Variants in KCTD1 observed in about 807,000 individuals in gnomAD.
The protein encoded by KCTD1 is BTB/POZ domain-containing protein KCTD1.
KCTD1 carries 24 observed loss-of-function variants against 66.0 expected under a neutral mutation model. That is an observed-to-expected ratio of 0.36 (90% CI 0.26 to 0.51). KCTD1 has a LOEUF of 0.51. KCTD1 is among the 20% of genes least tolerant of loss of function. KCTD1 has a pLI of 0.95. For missense variants in KCTD1, 943 were observed against 1,205.2 expected (o/e 0.78, Z 3.22); for synonymous variants, 511 against 517.2 (o/e 0.99, Z 0.16).
intron 1 of KCTD1, among the ~76,000 whole-genome samples, chr18:26,520,818 C>A (rs189291884): frequency 1.8e-4 from 28 of 152,354 alleles, no homozygotes; most frequent in Non-Finnish European, 4.0e-4. Context: ...TCACTTTGAA[C>A]TGGCATGACA....
At chr18:26,597,034 C>T (rs887350210) in intron 1 of KCTD1, among the ~76,000 whole-genome samples, 26 of 151,452 alleles carry the variant, frequency 1.7e-4, no homozygotes, top group African/African-American at 6.3e-4. Context: ...CTGCAGTGAC[C>T]CAGAGAAGGC....
intron 1 of KCTD1, among the ~76,000 whole-genome samples, chr18:26,524,589 T>G (rs1039013536): frequency 1.3e-5 from 2 of 152,196 alleles, no homozygotes; most frequent in Non-Finnish European, 2.9e-5. Context: ...AATTTTTCCC[T>G]AACCTTTAAG....
At chr18:26,597,729 C>G (rs1350402128) in intron 1 of KCTD1, among the ~76,000 whole-genome samples, 1 of 149,464 alleles carries the variant, frequency 6.7e-6, no homozygotes, top group Non-Finnish European at 1.5e-5. Flanking sequence ...TCTCAGCTCA[C>G]TGCAACCTCC....
chr18:26,551,705 TC>T (rs532036666), upstream of KCTD1, among the ~76,000 whole-genome samples: 20 of 152,288 alleles, frequency 1.3e-4, no homozygotes, highest in South Asian at 4.2e-3. Context: ...ACAGTGGAGT[TC>T]ATAAAGTAGT....
rs147142894 is a variant in KCTD1 at position 26,627,929 on chromosome 18, C to T, written c.-16+1218G>A. The stretch of plus-strand genomic sequence containing the variant: ...TTGGTGGTGGAACTGCTTTACCATG[C>T]CTGACTGGAAGAAGACAAGCCAGAG... On this transcript the variant is annotated intron_variant, in intron 1 of 4. Transcript: ENST00000317932. Among the ~76,000 whole-genome samples the T allele has an allele frequency of 3.4e-3, 515 of 152,268 alleles. 3 individuals are homozygous for T. The highest frequency in any genetic ancestry group is 0.012 in the African/African-American group (492 of 41,550).
chr18:26,649,358 A>G (rs1356105179), intron 1 of KCTD1, among the ~76,000 whole-genome samples: 1 of 152,178 alleles, frequency 6.6e-6, no homozygotes, highest in Non-Finnish European at 1.5e-5. Context: ...ACTGGCAGTA[A>G]GTGGATTGCA....
chr18:26,510,648 A>G (rs1435165467), intron 1 of KCTD1, among the ~76,000 whole-genome samples: 1 of 152,004 alleles, frequency 6.6e-6, no homozygotes, highest in Non-Finnish European at 1.5e-5. Context: ...AAGAATGACT[A>G]TTGGCCAACA....
At chr18:26,652,932 T>C (rs1212448618) in intron 1 of KCTD1, among the ~76,000 whole-genome samples, 2 of 152,248 alleles carry the variant, frequency 1.3e-5, no homozygotes, top group Non-Finnish European at 2.9e-5. Flanking sequence ...TTGACACTTC[T>C]CTCTTCTTGT....
intron 1 of KCTD1, among the ~76,000 whole-genome samples, chr18:26,584,433 C>A (rs1986426539): frequency 6.6e-6 from 1 of 152,144 alleles, no homozygotes; most frequent in Admixed American, 6.5e-5. Flanking sequence ...TTTCTTTTAA[C>A]CTTTTTTATG....
intron 3 of KCTD1, among the ~76,000 whole-genome samples, chr18:26,471,979 C>T (rs530247838): frequency 6.6e-6 from 1 of 152,030 alleles, no homozygotes; most frequent in Non-Finnish European, 1.5e-5. Flanking sequence ...ATGACGGATG[C>T]GCTGACAGAT....
At chr18:26,536,458 T>A (rs1984713740) in intron 1 of KCTD1, among the ~76,000 whole-genome samples, 1 of 152,198 alleles carries the variant, frequency 6.6e-6, no homozygotes, top group Non-Finnish European at 1.5e-5. Flanking sequence ...CAAGGTAATA[T>A]TTTATTTTTT....
At chr18:26,656,315 G>A (rs1374210615) in intron 1 of KCTD1, among the ~76,000 whole-genome samples, 1 of 152,196 alleles carries the variant, frequency 6.6e-6, no homozygotes, top group African/African-American at 2.4e-5. Context: ...CCGTCCCAGC[G>A]CCGCCCCCAC....
At chr18:26,561,721 G>C (rs1249248461) in intron 1 of KCTD1, among the ~76,000 whole-genome samples, 1 of 152,186 alleles carries the variant, frequency 6.6e-6, no homozygotes, top group Non-Finnish European at 1.5e-5. Context: ...CCCAAGGATG[G>C]GTCCCTGGGC....
intron 1 of KCTD1, among the ~76,000 whole-genome samples, chr18:26,514,207 G>A (rs12605244): frequency 0.2 from 30,318 of 151,990 alleles, 3,534 homozygotes; most frequent in East Asian, 0.52. Flanking sequence ...AAGCAGAATC[G>A]GTGCCAAGTT....
intron 1 of KCTD1, among the ~76,000 whole-genome samples, chr18:26,521,560 A>C (rs1187038407): frequency 6.6e-6 from 1 of 152,226 alleles, no homozygotes; most frequent in Non-Finnish European, 1.5e-5. Context: ...CAGTAAGAAA[A>C]CAATAAATTT....
At chr18:26,623,294 T>G (rs1162987883) in intron 1 of KCTD1, among the ~76,000 whole-genome samples, 3 of 152,220 alleles carry the variant, frequency 2.0e-5, no homozygotes, top group Non-Finnish European at 4.4e-5. Flanking sequence ...AAATAATGAA[T>G]AAATTCCTCT....
intron 1 of KCTD1, among the ~76,000 whole-genome samples, chr18:26,603,627 C>T (rs1419676103): frequency 2.6e-5 from 4 of 151,916 alleles, no homozygotes; most frequent in Non-Finnish European, 5.9e-5. Flanking sequence ...CCTGTTATCC[C>T]AGCTATTCGG....
At chr18:26,613,098 C>T (rs561477277) in intron 1 of KCTD1, among the ~76,000 whole-genome samples, 110 of 152,216 alleles carry the variant, frequency 7.2e-4, no homozygotes, top group Admixed American at 2.6e-3. Context: ...GAACTAGTCC[C>T]CTGTGCATGA....
At chr18:26,571,093 TA>T (rs1986095927) in intron 1 of KCTD1, among the ~76,000 whole-genome samples, 1 of 152,228 alleles carries the variant, frequency 6.6e-6, no homozygotes. Flanking sequence ...CTACGGAATG[TA>T]AAAGCTTAAT....
Sources: gnomAD v4.1 joint callset for allele counts (sites outside exome capture counted in the v4.1 genomes callset) on GRCh38, gnomAD v4.1.1 for gene constraint, MANE v1.5 for transcripts, NCBI Gene and HGNC (gene_info 2026-07-23, HGNC 2026-07-21) for gene names.